The following PCDHA2 variants were observed in gnomAD, a reference collection of about 807,000 sequenced individuals.
PCDHA2 encodes protocadherin alpha 2.
PCDHA2 carries 58 observed loss-of-function variants against 66.0 expected under a neutral mutation model. That is an observed-to-expected ratio of 0.88 (90% confidence interval 0.71 to 1.09). The LOEUF (loss-of-function observed/expected upper bound fraction) is 1.09, where lower values mean the gene tolerates loss of function less well. Ranked by LOEUF, PCDHA2 falls within the 50% of genes least tolerant of loss-of-function variation. The pLI is 0.00. For missense variants in PCDHA2, 1,267 were observed against 1,242.3 expected, an observed-to-expected ratio of 1.02 and a Z score of -0.30; for synonymous variants, 634 against 554.0, an observed-to-expected ratio of 1.14 and a Z score of -2.03.
At chr5:140,822,195 CATTTTA>C (rs2150114492) in intron 1 of PCDHA2, 1 of 1,614,118 alleles carries the variant, frequency 6.2e-7, no homozygotes, top group Non-Finnish European at 8.5e-7. Context: ...AAAGATTATT[CATTTTA>C]GAGTCAAGAA....
chr5:140,858,565 T>C (rs782424378), intron 1 of PCDHA2: 1 of 1,375,216 alleles, frequency 7.3e-7, no homozygotes, highest in South Asian at 1.3e-5. Flanking sequence ...ATATTTCTAG[T>C]GATACCTTTG....
intron 1 of PCDHA2, chr5:140,926,672 C>T (rs2083457109): frequency 1.7e-6 from 1 of 583,596 alleles, no homozygotes; most frequent in Admixed American, 3.9e-5. Flanking sequence ...GACGGCTGCC[C>T]AGCCTCCAGC....
intron 1 of PCDHA2, chr5:140,929,210 G>C (rs782078369): frequency 1.9e-6 from 3 of 1,614,070 alleles, no homozygotes; most frequent in Non-Finnish European, 2.5e-6. Context: ...CTGTTGCGTG[G>C]GGAGTACAAT....
intron 1 of PCDHA2, among the ~76,000 whole-genome samples, chr5:140,953,567 C>G (rs1385823859): frequency 6.6e-6 from 1 of 152,018 alleles, no homozygotes; most frequent in Non-Finnish European, 1.5e-5. Flanking sequence ...TTTTAGTGCC[C>G]TCCTCTCCCA....
intron 1 of PCDHA2, chr5:140,877,590 G>T: frequency 1.2e-6 from 2 of 1,613,826 alleles, no homozygotes; most frequent in Non-Finnish European, 1.7e-6. Flanking sequence ...CCATCTGTGC[G>T]GTGTCCAGCC....
chr5:140,842,142 A>G (rs2150330261), intron 1 of PCDHA2: 7 of 1,613,746 alleles, frequency 4.3e-6, no homozygotes, highest in Middle Eastern at 1.6e-4. Context: ...GAAGGAGCCA[A>G]TGGGGCAATT....
rs782699904 is a variant in PCDHA2 at position 140,969,414 on chromosome 5, G to A, written c.2389-9535G>A. The A allele has an allele frequency of 6.4e-6, 10 of 1,566,012 alleles. No homozygotes were observed. The Admixed American group carries it at 1.3e-4, about 21-fold the overall frequency. On this transcript the variant is annotated intron_variant, in intron 1 of 3. Coordinates refer to ENST00000526136, the MANE Select transcript of PCDHA2 (RefSeq NM_018905.3). ...ATATCCTGTGATTTGGCTTTATTGA[G>A]TCATTAACAGTGACAAGAGTTATCT...
rs782160195 is a variant in PCDHA2, at chr5:140,857,078, G to C, written c.2388+59726G>C. 17 of 1,597,076 alleles carry C rather than the reference G, an allele frequency of 1.1e-5. 2 individuals are homozygous for C. The highest frequency in any genetic ancestry group is 1.5e-5 in the Non-Finnish European group (17 of 1,166,812). On this transcript the variant is annotated intron_variant, in intron 1 of 3. Transcript: ENST00000526136. ...CCTAGTGGAACTACTGGATGAAAATGATAATTCACCTGAGGTGATTGTCAC... is the reference window on the plus strand; with the variant it reads ...CCTAGTGGAACTACTGGATGAAAATCATAATTCACCTGAGGTGATTGTCAC...
intron 1 of PCDHA2, chr5:140,822,250 T>A: frequency 6.2e-7 from 1 of 1,614,222 alleles, no homozygotes; most frequent in Non-Finnish European, 8.5e-7. Flanking sequence ...CGCGTCGGAT[T>A]TGGATATTGG....
chr5:140,803,705 G>A, intron 1 of PCDHA2: 1 of 1,516,256 alleles, frequency 6.6e-7, no homozygotes, highest in Non-Finnish European at 8.9e-7. Flanking sequence ...TTCATAATTA[G>A]ACTTTTCCAG....
At position 140,823,615 on chromosome 5, in the gene PCDHA2, C is replaced by T. The variant is rs2150127467; in HGVS notation, c.2388+26263C>T. 3.1e-6 allele frequency: 5 copies of T among 1,613,928 alleles called. No individual in the cohort carries two copies. The Admixed American group carries it at 8.3e-5, about 27-fold the overall frequency. On this transcript the variant is annotated intron_variant, in intron 1 of 3. Coordinates refer to ENST00000526136, the MANE Select transcript of PCDHA2 (RefSeq NM_018905.3). ...GCTTTCGTATGAGCTGCAGCCAGCG[C>T]CTGGCAGTGCGCGCATCCCGTTCCG... is the stretch of plus-strand genomic sequence containing the variant.
At chr5:140,812,546 C>T (rs149725970) in intron 1 of PCDHA2, 1 of 151,688 alleles carries the variant, frequency 6.6e-6, no homozygotes, top group East Asian at 1.9e-4. Context: ...TTTCTAGTTC[C>T]TTGAGTTGTT....
intron 1 of PCDHA2, chr5:140,842,511 T>G: frequency 6.2e-7 from 1 of 1,613,722 alleles, no homozygotes; most frequent in Non-Finnish European, 8.5e-7. Flanking sequence ...CCCTTCAAGC[T>G]GGTGTCCACC....
At chr5:140,908,661 G>C (rs530751435) in intron 1 of PCDHA2, among the ~76,000 whole-genome samples, 9 of 152,306 alleles carry the variant, frequency 5.9e-5, no homozygotes, top group African/African-American at 2.2e-4. Flanking sequence ...GCCTGCCAAA[G>C]GCTCCAAATA....
chr5:140,898,358 A>T (rs2153460143), intron 1 of PCDHA2, among the ~76,000 whole-genome samples: 1 of 152,260 alleles, frequency 6.6e-6, no homozygotes, highest in Non-Finnish European at 1.5e-5. Flanking sequence ...TCTTGAATTA[A>T]TTTTTGTATA....
chr5:140,853,968 T>C lies in PCDHA2; in HGVS notation c.2388+56616T>C. On this transcript the variant is annotated intron_variant, in intron 1 of 3. Transcript: ENST00000526136. ...AGGGTCCCTTCCTTGAGCCCAGCAG[T>C]TTGAGACCAATGTAGTGAGACTCAT... 9 of 656,022 alleles carry C rather than the reference T, an allele frequency of 1.4e-5. 1 individual carries two copies. The highest frequency in any genetic ancestry group is 1.7e-5 in the Non-Finnish European group (9 of 516,032). 40.6% of individuals were successfully genotyped at this position (656,022 alleles called of 1,614,324 possible).
chr5:140,945,636 G>A (rs2093820936), intron 1 of PCDHA2, among the ~76,000 whole-genome samples: 1 of 152,092 alleles, frequency 6.6e-6, no homozygotes, highest in Admixed American at 6.6e-5. Context: ...TAAAAGACAT[G>A]TAGACCAATG....
chr5:140,846,989 C>T (rs1449097023), intron 1 of PCDHA2, among the ~76,000 whole-genome samples: 1 of 149,196 alleles, frequency 6.7e-6, no homozygotes, highest in Non-Finnish European at 1.5e-5. Flanking sequence ...AAGTTCCCCC[C>T]GGGAGAATAT....
chr5:140,961,770 A>C, intron 1 of PCDHA2, among the ~76,000 whole-genome samples: 1 of 152,206 alleles, frequency 6.6e-6, no homozygotes, highest in East Asian at 1.9e-4. Flanking sequence ...ATTTATATCA[A>C]GCTTAATGGC....
Sources: gnomAD v4.1 joint callset for allele counts (sites outside exome capture counted in the v4.1 genomes callset) on GRCh38, gnomAD v4.1.1 for gene constraint, MANE v1.5 for transcripts, NCBI Gene and HGNC (gene_info 2026-07-23, HGNC 2026-07-21) for gene names.